Variants in RANGAP1 observed in about 807,000 individuals in gnomAD.
The protein encoded by RANGAP1 is ran GTPase-activating protein 1.
A neutral mutation model predicts 63.5 loss-of-function variants in RANGAP1; 38 were observed. The observed-to-expected ratio is 0.60, with a 90% confidence interval of 0.46 to 0.78. RANGAP1 has a LOEUF of 0.78. RANGAP1 is among the 30% of genes least tolerant of loss of function. RANGAP1 has a pLI of 0.00. For missense variants in RANGAP1, 630 were observed against 740.3 expected (o/e 0.85, Z 1.73); for synonymous variants, 329 against 310.5 (o/e 1.06, Z -0.63).
chr22:41,244,939 C>T lies in RANGAP1; in HGVS notation c.*1664G>A, dbSNP rs2032946989. Among the ~76,000 whole-genome samples, 1 of 152,196 alleles carries T rather than the reference C, an allele frequency of 6.6e-6. No homozygotes were observed. The highest frequency in any genetic ancestry group is 2.4e-5 in the African/African-American group (1 of 41,456). ...CCACCCTTCCCCTAGCCCTGGCAAC[C>T]TCTACCTTCTTGTCTCTGAATTTGC... On this transcript the variant is annotated 3_prime_UTR_variant, in exon 16 of 16. Coordinates refer to ENST00000356244, the MANE Select transcript of RANGAP1 (RefSeq NM_002883.4).
intron 3 of RANGAP1, among the ~76,000 whole-genome samples, chr22:41,270,939 TG>T (rs34333301): frequency 0.26 from 40,028 of 151,926 alleles, 6,746 homozygotes; most frequent in Admixed American, 0.49. Context: ...TCTAATGAGC[TG>T]AACAGTCAGC....
intron 4 of RANGAP1, among the ~76,000 whole-genome samples, chr22:41,265,640 G>C (rs2034424494): frequency 6.6e-6 from 1 of 152,168 alleles, no homozygotes; most frequent in African/African-American, 2.4e-5. Flanking sequence ...CTTTGACAGG[G>C]TGATTTGAAG....
chr22:41,257,926 G>A lies in RANGAP1; in HGVS notation c.774+22C>T. 6.3e-7 allele frequency: 1 copy of A among 1,581,514 alleles called. No individual in the cohort carries two copies. Among genetic ancestry groups the A allele is most frequent in the Non-Finnish European group, 8.6e-7 (1 of 1,160,296 alleles). ...AGCCTCTATCTGGCGGGGCCCAACT[G>A]GCTCTGCCACACTCGCCTCACCTCG... On this transcript the variant is annotated intron_variant, in intron 7 of 15. Coordinates refer to ENST00000356244, the MANE Select transcript of RANGAP1 (RefSeq NM_002883.4). The surrounding 1 kb of genome is among the most constrained non-coding windows in gnomAD (Gnocchi z 4.0).
chr22:41,254,410 C>CTCTTCCTCA lies in RANGAP1; in HGVS notation c.1149_1157dup (p.Asp383_Glu385dup). Reference sequence around the variant, plus strand: ...CCTCCTCCTCCTCCTCTTCTTCCTCCTCTTCCTCATCTTCCTCCTCCTCTT... The same window carrying CTCTTCCTCA: ...CCTCCTCCTCCTCCTCTTCTTCCTCCTCTTCCTCATCTTCCTCATCTTCCTCCTCCTCTT... On this transcript the variant is annotated inframe_insertion, in exon 11 of 16. Coordinates refer to ENST00000356244, the MANE Select transcript of RANGAP1 (RefSeq NM_002883.4). The CTCTTCCTCA allele has an allele frequency of 1.9e-6, 3 of 1,613,426 alleles. No homozygotes were observed. Among genetic ancestry groups the CTCTTCCTCA allele is most frequent in the Non-Finnish European group, 8.5e-7 (1 of 1,179,556 alleles).
At chr22:41,288,909 C>A (rs1331736358), upstream of RANGAP1, among the ~76,000 whole-genome samples, 1 of 145,968 alleles carries the variant, frequency 6.9e-6, no homozygotes, top group Admixed American at 7.3e-5. Flanking sequence ...TTCTGTCACT[C>A]CTATATCCTG....
At chr22:41,284,285 A>T (rs2145861932) in intron 1 of RANGAP1, among the ~76,000 whole-genome samples, 1 of 150,334 alleles carries the variant, frequency 6.7e-6, no homozygotes, top group South Asian at 2.1e-4. Context: ...AAAATTAACC[A>T]GGCCGGGTGC....
intron 1 of RANGAP1, among the ~76,000 whole-genome samples, chr22:41,284,013 C>G (rs2035627107): frequency 6.6e-6 from 1 of 152,174 alleles, no homozygotes; most frequent in South Asian, 2.1e-4. Flanking sequence ...CTTTGGGAGG[C>G]TGAGGTGGGC....
In RANGAP1 at chr22:41,257,827, C is replaced by A. The variant is rs373072639; in HGVS notation, c.774+121G>T. 84 of 1,239,894 alleles carry A rather than the reference C, an allele frequency of 6.8e-5. No individual in the cohort carries two copies. In the African/African-American group the frequency reaches 1.1e-3, roughly 16 times the overall value. 76.8% of individuals were successfully genotyped at this position (1,239,894 alleles called of 1,614,324 possible). ...CAAAGAGCTGGAGCCATGGGGCACA[C>A]ACCCAGGGGGCAGGCAGGGGGTAGA... On this transcript the variant is annotated intron_variant, in intron 7 of 15. Coordinates refer to ENST00000356244, the MANE Select transcript of RANGAP1 (RefSeq NM_002883.4). The surrounding 1 kb of genome is among the most constrained non-coding windows in gnomAD (Gnocchi z 4.0).
intron 3 of RANGAP1, among the ~76,000 whole-genome samples, chr22:41,269,315 G>A (rs1261432387): frequency 6.6e-6 from 1 of 152,218 alleles, no homozygotes; most frequent in Non-Finnish European, 1.5e-5. Flanking sequence ...TGGAAGGTTA[G>A]AGGGAGGGGA....
chr22:41,246,780 T>C, intron 15 of RANGAP1, 108 bp from the exon 16 acceptor site: 1 of 1,061,098 alleles, frequency 9.4e-7, no homozygotes, highest in Admixed American at 2.0e-5. Flanking sequence ...GCACAACGAC[T>C]CAGCAAGAGA....
chr22:41,286,406 C>T (rs754394342), upstream of RANGAP1, among the ~76,000 whole-genome samples: 10 of 152,264 alleles, frequency 6.6e-5, no homozygotes, highest in Non-Finnish European at 1.2e-4. Context: ...TCCTCTTCGC[C>T]CTCCCCTGGT....
At chr22:41,295,267 G>A in the RANGAP1 span, among the ~76,000 whole-genome samples, 3,732 of 151,928 alleles carry the variant, frequency 0.025, 67 homozygotes, top group Non-Finnish European at 0.035. Context: ...GGGGGGAAAG[G>A]TGGGGAAAAG....
chr22:41,283,312 C>T (rs1033680815), intron 1 of RANGAP1, among the ~76,000 whole-genome samples: 14 of 152,118 alleles, frequency 9.2e-5, no homozygotes, highest in African/African-American at 3.1e-4. Context: ...AGTTCAAGAC[C>T]AGCCAGGCCA....
At chr22:41,302,066 T>G in the RANGAP1 span, among the ~76,000 whole-genome samples, 3 of 152,056 alleles carry the variant, frequency 2.0e-5, no homozygotes, top group African/African-American at 4.8e-5. The surrounding 1 kb of genome is among the most constrained non-coding windows in gnomAD (Gnocchi z 5.7). Context: ...CTGGGGAGAC[T>G]TGGCCGCCCC....
At chr22:41,281,653 T>G (rs1286365268) in intron 1 of RANGAP1, 1 of 986,672 alleles carries the variant, frequency 1.0e-6, no homozygotes, top group African/African-American at 1.7e-5. Context: ...CAGGCCACAA[T>G]GGCCCCTCAG....
At position 41,246,174 on chromosome 22, in the gene RANGAP1, A is replaced by G. The variant is rs963138419; in HGVS notation, c.*429T>C. On this transcript the variant is annotated 3_prime_UTR_variant, in exon 16 of 16. Coordinates refer to ENST00000356244, the MANE Select transcript of RANGAP1 (RefSeq NM_002883.4). ...CAGGGCAGGAAACAACCCAATCACA[A>G]CACAGAGGGGAAGGACAGCACGCGG... The G allele has an allele frequency of 5.2e-6, 1 of 192,676 alleles. No homozygotes were observed. Among genetic ancestry groups the G allele is most frequent in the Non-Finnish European group, 1.1e-5 (1 of 92,304 alleles). The allele number at this position is 192,676 out of a possible 1,614,324, so 11.9% of individuals were successfully genotyped here. A position where few individuals can be genotyped will look rare whatever the true frequency, so the allele number is the denominator to read the frequency against.
Position 41,260,432 on chromosome 22 carries a change from T to C in RANGAP1, c.615+1014A>G, listed in dbSNP as rs550042358. The stretch of plus-strand genomic sequence containing the variant: ...GGAGACACAAGGCAGATCTCTGCGA[T>C]GTTCACTTGGCACTGAAGCAGGCAA... On this transcript the variant is annotated intron_variant, in intron 6 of 15. Coordinates refer to ENST00000356244, the MANE Select transcript of RANGAP1 (RefSeq NM_002883.4). Among the ~76,000 whole-genome samples, 12 of 152,340 alleles carry C rather than the reference T, an allele frequency of 7.9e-5. No individual in the cohort carries two copies. In the East Asian group the frequency reaches 1.9e-3, roughly 24 times the overall value.
upstream of RANGAP1, among the ~76,000 whole-genome samples, chr22:41,286,505 G>A (rs1045550744): frequency 6.6e-6 from 1 of 152,256 alleles, no homozygotes; most frequent in Non-Finnish European, 1.5e-5. Flanking sequence ...GTTGCACCCA[G>A]GTCCCTCAGC....
upstream of RANGAP1, among the ~76,000 whole-genome samples, chr22:41,286,475 G>A (rs1012424867): frequency 1.3e-5 from 2 of 152,248 alleles, no homozygotes; most frequent in Non-Finnish European, 2.9e-5. Flanking sequence ...AGCGCCCAGA[G>A]ACTACAATTC....
Sources: allele counts gnomAD v4.1 joint callset (sites outside exome capture counted in the v4.1 genomes callset), GRCh38; gene constraint gnomAD v4.1.1; non-coding constraint Gnocchi (gnomAD v3.1); transcripts MANE v1.5; gene names NCBI Gene and HGNC (gene_info 2026-07-23, HGNC 2026-07-21).